PAX7: variants seen among roughly 807,000 people sequenced by gnomAD.
PAX7 encodes paired box protein Pax-7.
A neutral mutation model predicts 50.7 loss-of-function variants in PAX7; 18 were observed. The ratio of observed to expected loss-of-function variants is 0.36; its 90% CI spans 0.25 to 0.53. The LOEUF (loss-of-function observed/expected upper bound fraction) is 0.53. Among genes scored for constraint, PAX7 ranks in the 20% least tolerant of loss-of-function variants. The probability of loss-of-function intolerance (pLI) is 0.93; values close to 1 mark genes in which losing one functional copy is unlikely to be tolerated. For synonymous variants in PAX7, 310 were observed against 290.4 expected, an observed-to-expected ratio of 1.07 and a Z score of -0.69; for missense variants, 644 against 702.9, an observed-to-expected ratio of 0.92 and a Z score of 0.95.
intron 7 of PAX7, among the ~76,000 whole-genome samples, chr1:18,706,423 G>A (rs1019407612): frequency 4.6e-5 from 7 of 151,160 alleles, no homozygotes; most frequent in African/African-American, 1.7e-4. Flanking sequence ...CCTCAAAACT[G>A]GAAGGAATTT....
intron 1 of PAX7, among the ~76,000 whole-genome samples, chr1:18,633,462 C>CG (rs986100043): frequency 7.2e-5 from 11 of 152,336 alleles, no homozygotes; most frequent in African/African-American, 2.6e-4. Context: ...CACCCCCACC[C>CG]GGGGGGACTG....
At chr1:18,718,398 G>T (rs768840691) in intron 7 of PAX7, among the ~76,000 whole-genome samples, 6 of 152,162 alleles carry the variant, frequency 3.9e-5, no homozygotes, top group Non-Finnish European at 8.8e-5. Flanking sequence ...ATCTCAATTT[G>T]CAGACTCCAC....
intron 4 of PAX7, among the ~76,000 whole-genome samples, chr1:18,644,631 C>A (rs534173485): frequency 6.6e-6 from 1 of 152,010 alleles, no homozygotes; most frequent in African/African-American, 2.4e-5. Flanking sequence ...CTCCAGGGAG[C>A]TTCTGATTCC....
chr1:18,724,158 T>C (rs1362672297), intron 7 of PAX7, among the ~76,000 whole-genome samples: 1 of 152,110 alleles, frequency 6.6e-6, no homozygotes, highest in Non-Finnish European at 1.5e-5. Context: ...TGCAAACTCA[T>C]TAAGCTTCGA....
intron 6 of PAX7, among the ~76,000 whole-genome samples, chr1:18,702,570 T>G (rs190816504): frequency 1.6e-3 from 249 of 152,160 alleles, no homozygotes; most frequent in African/African-American, 5.8e-3. Flanking sequence ...CAGAGATGGC[T>G]CCAGAGTTAG....
At chr1:18,711,845 C>T (rs1035717869) in intron 7 of PAX7, among the ~76,000 whole-genome samples, 2 of 152,166 alleles carry the variant, frequency 1.3e-5, no homozygotes, top group Non-Finnish European at 2.9e-5. Flanking sequence ...GTGGCTGGAT[C>T]TTCTTGGACC....
chr1:18,699,379 C>T (rs1412066199), intron 5 of PAX7, among the ~76,000 whole-genome samples: 1 of 152,118 alleles, frequency 6.6e-6, no homozygotes, highest in Non-Finnish European at 1.5e-5. Flanking sequence ...TTCAGCTGAG[C>T]TCTGAAGGCC....
intron 5 of PAX7, among the ~76,000 whole-genome samples, chr1:18,699,808 G>A (rs928672204): frequency 2.0e-5 from 3 of 151,994 alleles, no homozygotes; most frequent in Non-Finnish European, 2.9e-5. Flanking sequence ...TGATCCGCCC[G>A]CCTCGGCCTC....
chr1:18,665,191 G>A (rs2088651260), intron 4 of PAX7, among the ~76,000 whole-genome samples: 1 of 152,068 alleles, frequency 6.6e-6, no homozygotes, highest in African/African-American at 2.4e-5. Context: ...TTAAATCAGG[G>A]CCTAGTGAGA....
At chr1:18,675,583 G>T (rs553248048) in intron 4 of PAX7, among the ~76,000 whole-genome samples, 1 of 152,236 alleles carries the variant, frequency 6.6e-6, no homozygotes, top group East Asian at 1.9e-4. Context: ...CCCCTTCTCA[G>T]GCTGTCCCCC....
chr1:18,697,077 A>G (rs1011790524), intron 5 of PAX7, among the ~76,000 whole-genome samples: 25 of 152,194 alleles, frequency 1.6e-4, no homozygotes, highest in African/African-American at 5.5e-4. Flanking sequence ...GATACAGTTC[A>G]AAGTGACTGT....
At position 18,726,140 on chromosome 1, in the gene PAX7, G is replaced by C. The variant is rs1021232171; in HGVS notation, c.1156-9492G>C. Among the ~76,000 whole-genome samples the C allele has an allele frequency of 6.9e-5, 7 of 100,950 alleles. No homozygotes were observed. In the East Asian group the frequency reaches 1.2e-3, roughly 17 times the overall value. 66.2% of individuals were successfully genotyped at this position (100,950 alleles called of 152,430 possible). A position where few individuals can be genotyped will look rare whatever the true frequency, so the allele number is the denominator to read the frequency against. On this transcript the variant is annotated intron_variant, in intron 7 of 8. Coordinates refer to ENST00000420770, the MANE Select transcript of PAX7 (RefSeq NM_001135254.2). This position sits in a 1 kb window ranked among gnomAD's most constrained non-coding sequence, Gnocchi z 4.8. ...ATCTTATAAAACAGACATTGGAAGA[G>C]TGTGAGTGTGTGTGTGTGTGTGTGT...
At chr1:18,674,772 G>A (rs971075939) in intron 4 of PAX7, among the ~76,000 whole-genome samples, 23 of 152,214 alleles carry the variant, frequency 1.5e-4, no homozygotes, top group Non-Finnish European at 2.2e-4. Context: ...ACAGAGCAGC[G>A]TGGTCCTGTT....
intron 5 of PAX7, among the ~76,000 whole-genome samples, chr1:18,699,193 C>T (rs565874932): frequency 9.2e-5 from 14 of 152,334 alleles, no homozygotes; most frequent in Non-Finnish European, 1.3e-4. Context: ...GCCTCTGTCC[C>T]GTGGAGCCTG....
chr1:18,662,907 T>C (rs2088620465), intron 4 of PAX7, among the ~76,000 whole-genome samples: 1 of 104,628 alleles, frequency 9.6e-6, no homozygotes, highest in South Asian at 2.6e-4. Flanking sequence ...TCACATATTA[T>C]TGTGAAGAAA....
chr1:18,641,230 TAGA>T (rs2088248598), intron 4 of PAX7, among the ~76,000 whole-genome samples: 1 of 152,128 alleles, frequency 6.6e-6, no homozygotes, highest in Admixed American at 6.5e-5. Context: ...CATAATCTAA[TAGA>T]AGACATTTAG....
chr1:18,685,125 G>A (rs889456075), intron 4 of PAX7, among the ~76,000 whole-genome samples: 3 of 152,168 alleles, frequency 2.0e-5, no homozygotes, highest in Admixed American at 6.5e-5. Context: ...GGCCTTCTCC[G>A]GGCTGGGAGT....
chr1:18,631,703 G>A lies in PAX7; in HGVS notation c.85+15G>A. On this transcript the variant is annotated intron_variant, in intron 1 of 8. Coordinates refer to ENST00000420770, the MANE Select transcript of PAX7 (RefSeq NM_001135254.2). Reference sequence around the variant, plus strand: ...CCCTTTGGAAGGTAAGAACGCCCAGGCTGGCCTCGCCGCGACTCCGCCGCC... The same window carrying A: ...CCCTTTGGAAGGTAAGAACGCCCAGACTGGCCTCGCCGCGACTCCGCCGCC... The A allele has an allele frequency of 6.2e-7, 1 of 1,604,230 alleles. No homozygotes were observed. The highest frequency in any genetic ancestry group is 8.5e-7 in the Non-Finnish European group (1 of 1,175,026).
chr1:18,658,308 C>T (rs1039349456), intron 4 of PAX7, among the ~76,000 whole-genome samples: 24 of 147,678 alleles, frequency 1.6e-4, no homozygotes, highest in Non-Finnish European at 2.7e-4. Context: ...CTGGCTGTGT[C>T]TTCGAGGGAC....
Sources: gnomAD v4.1 joint callset for allele counts (sites outside exome capture counted in the v4.1 genomes callset) on GRCh38, gnomAD v4.1.1 for gene constraint, Gnocchi (gnomAD v3.1) non-coding constraint, MANE v1.5 for transcripts, NCBI Gene and HGNC (gene_info 2026-07-23, HGNC 2026-07-21) for gene names.